The following MARCHF6 variants were observed in gnomAD, a reference collection of about 807,000 sequenced individuals.
MARCHF6 encodes membrane associated ring-CH-type finger 6.
In MARCHF6, 31 loss-of-function variants were observed where a neutral mutation model predicts 133.7. The observed-to-expected ratio is 0.23, with a 90% CI of 0.17 to 0.31. MARCHF6 has a LOEUF of 0.31. Among genes scored for constraint, MARCHF6 ranks in the 10% least tolerant of loss-of-function variants. The pLI is 1.00. For synonymous variants in MARCHF6, 395 were observed against 402.5 expected (o/e 0.98, Z 0.22); for missense variants, 723 against 1,121.6 (o/e 0.64, Z 5.08).
At chr5:10,360,144 G>T (rs1448526623) in intron 1 of MARCHF6, among the ~76,000 whole-genome samples, 4 of 75,120 alleles carry the variant, frequency 5.3e-5, no homozygotes, top group African/African-American at 1.1e-4. Flanking sequence ...ATGTGTGTGT[G>T]TTTTTTTTTT....
intron 11 of MARCHF6, chr5:10,401,674 A>G (rs1411728390): frequency 1.7e-5 from 4 of 239,984 alleles, no homozygotes; most frequent in Non-Finnish European, 1.6e-5. Flanking sequence ...GGTGGCTAGG[A>G]TATTACCCAG....
chr5:10,392,863 A>G (rs374599334), intron 7 of MARCHF6, among the ~76,000 whole-genome samples: 4 of 151,804 alleles, frequency 2.6e-5, no homozygotes, highest in African/African-American at 4.8e-5. Context: ...CACTATCTCT[A>G]GTTCTACTTG....
intron 4 of MARCHF6, among the ~76,000 whole-genome samples, chr5:10,384,321 CAAA>C (rs76150679): frequency 0.18 from 25,342 of 142,356 alleles, 3,261 homozygotes; most frequent in East Asian, 0.67. Flanking sequence ...TTCTGGCACT[CAAA>C]AAAAAAAAGA....
Position 10,391,612 on chromosome 5 carries a change from C to T in MARCHF6, c.647C>T (p.Ala216Val). The change falls in exon 7 of 26, where the codon GCA (alanine) becomes GTA (valine). Residue 216 changes from alanine to valine, a missense_variant. By Grantham distance (64) the Ala-to-Val change is moderately conservative. Coordinates refer to ENST00000274140, the MANE Select transcript of MARCHF6 (RefSeq NM_005885.4). ...DQPANPPAEN[A>V]VVGENPDAQD... ...CCTGCTAACCCACCAGCTGAGAACG[C>T]AGTGGTGGGGGAAAACCCTGATGCC... 1.9e-6 allele frequency: 3 copies of T among 1,612,734 alleles called. No individual in the cohort carries two copies. Among genetic ancestry groups the T allele is most frequent in the Non-Finnish European group, 2.5e-6 (3 of 1,179,448 alleles).
In MARCHF6 at chr5:10,433,524, A is replaced by T. The variant is rs1022009892; in HGVS notation, c.2643-70A>T. 4.2e-6 allele frequency: 5 copies of T among 1,204,666 alleles called. No individual in the cohort carries two copies. The African/African-American group carries it at 7.5e-5, about 18-fold the overall frequency. 74.6% of individuals were successfully genotyped at this position (1,204,666 alleles called of 1,614,324 possible). A position where few individuals can be genotyped will look rare whatever the true frequency, so the allele number is the denominator to read the frequency against. On this transcript the variant is annotated intron_variant, in intron 25 of 25. Coordinates refer to ENST00000274140, the MANE Select transcript of MARCHF6 (RefSeq NM_005885.4). Reference sequence around the variant, plus strand: ...CGAGTTTTAAGTAGGAGTTAGATTTAAAAAGACATATGAATGTTTTACTCT... The same window carrying T: ...CGAGTTTTAAGTAGGAGTTAGATTTTAAAAGACATATGAATGTTTTACTCT...
At chr5:10,395,769 C>G (rs904745637) in intron 9 of MARCHF6, among the ~76,000 whole-genome samples, 14 of 152,176 alleles carry the variant, frequency 9.2e-5, no homozygotes, top group African/African-American at 3.4e-4. Flanking sequence ...CCATCTGTCT[C>G]CTTTGCTGTC....
Position 10,435,974 on chromosome 5 carries a change from T to G in MARCHF6, c.*2290T>G, listed in dbSNP as rs2126398823. On this transcript the variant is annotated 3_prime_UTR_variant, in exon 26 of 26. Transcript: ENST00000274140. ...TGCAGGTGATCCGTCCTCCTTGGGCTCCCAAAGTGCTGGGATTATAGGTGT... is the reference window on the plus strand; with the variant it reads ...TGCAGGTGATCCGTCCTCCTTGGGCGCCCAAAGTGCTGGGATTATAGGTGT... 6.6e-6 allele frequency: 1 copy of G among 151,690 alleles called. No homozygotes were observed. Among genetic ancestry groups the G allele is most frequent in the East Asian group, 1.9e-4 (1 of 5,140 alleles). The allele number at this position is 151,690 out of a possible 1,614,324, so 9.4% of individuals were successfully genotyped here. A position where few individuals can be genotyped will look rare whatever the true frequency, so the allele number is the denominator to read the frequency against.
At chr5:10,417,503 T>C in intron 22 of MARCHF6, 99 bp downstream of exon 22, 3 of 1,505,960 alleles carry the variant, frequency 2.0e-6, no homozygotes, top group Non-Finnish European at 2.7e-6. Context: ...TCTAGCACTT[T>C]GGGAGGCTGA....
At chr5:10,429,282 T>C (rs1040710888) in intron 24 of MARCHF6, among the ~76,000 whole-genome samples, 1 of 152,172 alleles carries the variant, frequency 6.6e-6, no homozygotes, top group African/African-American at 2.4e-5. Context: ...AGTTTGAGGA[T>C]TTTTTTATTA....
intron 17 of MARCHF6, among the ~76,000 whole-genome samples, chr5:10,407,962 C>CG (rs1381454072): frequency 7.0e-6 from 1 of 142,918 alleles, no homozygotes; most frequent in Non-Finnish European, 1.5e-5. Context: ...ATCCCCCCCC[C>CG]CCCAAAAAAA....
intron 1 of MARCHF6, among the ~76,000 whole-genome samples, chr5:10,374,323 A>G (rs933736651): frequency 1.3e-5 from 2 of 152,218 alleles, no homozygotes; most frequent in Non-Finnish European, 2.9e-5. Flanking sequence ...CCTGGCAGTT[A>G]AAATGCTTGT....
chr5:10,396,834 G>C (rs1015099954), intron 9 of MARCHF6, among the ~76,000 whole-genome samples: 2 of 152,238 alleles, frequency 1.3e-5, no homozygotes, highest in African/African-American at 4.8e-5. Context: ...TTCCAAAGGA[G>C]TGGTAGCCAG....
chr5:10,403,586 A>C (rs1296851707), intron 15 of MARCHF6, 45 bp downstream of exon 15: 3 of 1,552,412 alleles, frequency 1.9e-6, no homozygotes, highest in East Asian at 2.3e-5. Flanking sequence ...TATAAAAAGG[A>C]CTTTTGCTTT....
rs1383494209 is a variant in MARCHF6, at chr5:10,403,413, T to G, written c.1204T>G (p.Phe402Val). ...CTGTCCTCTTTTGTCTCAGGAAATG[T>G]TTGATGCTACTCTGAAAGATCGAGA... ...WWLDICSLEM[F>V]DATLKDRELS... The change falls in exon 15 of 26, where the codon TTT becomes GTT. Residue 402 changes from phenylalanine to valine, a missense_variant. Transcript: ENST00000274140. The G allele has an allele frequency of 1.2e-6, 2 of 1,612,084 alleles. No individual in the cohort carries two copies. Among genetic ancestry groups the G allele is most frequent in the Non-Finnish European group, 1.7e-6 (2 of 1,179,322 alleles).
At chr5:10,368,268 A>G (rs1736255878) in intron 1 of MARCHF6, among the ~76,000 whole-genome samples, 1 of 152,224 alleles carries the variant, frequency 6.6e-6, no homozygotes, top group Non-Finnish European at 1.5e-5. Flanking sequence ...TTCTGTATAA[A>G]ATAGGATCAG....
At chr5:10,433,240 C>T (rs571184107) in intron 25 of MARCHF6, among the ~76,000 whole-genome samples, 42 of 152,184 alleles carry the variant, frequency 2.8e-4, no homozygotes, top group Non-Finnish European at 5.3e-4. Context: ...CTTAGATCTG[C>T]CCACTAAGTT....
At chr5:10,429,768 T>G (rs1385053976) in intron 24 of MARCHF6, 125 bp from the exon 25 acceptor site, 1 of 725,242 alleles carries the variant, frequency 1.4e-6, no homozygotes, top group Non-Finnish European at 2.3e-6. Flanking sequence ...TTGTAGAAAG[T>G]TAACAGACCT....
chr5:10,391,143 G>A (rs1391165694), intron 6 of MARCHF6, among the ~76,000 whole-genome samples: 1 of 152,062 alleles, frequency 6.6e-6, no homozygotes, highest in African/African-American at 2.4e-5. Flanking sequence ...TGTTTGTTTT[G>A]GTTTTTTGAG....
At chr5:10,408,483 C>T (rs1483410933) in intron 17 of MARCHF6, among the ~76,000 whole-genome samples, 1 of 152,168 alleles carries the variant, frequency 6.6e-6, no homozygotes, top group Non-Finnish European at 1.5e-5. Flanking sequence ...TGCTTGTCCA[C>T]GTTTGAGTGG....
Sources: gnomAD v4.1 joint callset for allele counts (sites outside exome capture counted in the v4.1 genomes callset) on GRCh38, gnomAD v4.1.1 for gene constraint, MANE v1.5 for transcripts, NCBI Gene and HGNC (gene_info 2026-07-23, HGNC 2026-07-21) for gene names.